The following SLC22A15 variants were observed in gnomAD, a reference collection of about 807,000 sequenced individuals.
SLC22A15 encodes solute carrier family 22 member 15.
In SLC22A15, 45 loss-of-function variants were observed where a neutral mutation model predicts 62.7. That is an observed-to-expected ratio of 0.72 (90% CI 0.56 to 0.92). The LOEUF is 0.92. SLC22A15 is among the 40% of genes least tolerant of loss of function. The pLI is 0.00. For missense variants in SLC22A15, 622 were observed against 665.6 expected (o/e 0.93, Z 0.72); for synonymous variants, 264 against 267.0 (o/e 0.99, Z 0.11).
chr1:115,996,851 A>C (rs1286455671), intron 2 of SLC22A15, among the ~76,000 whole-genome samples: 1 of 152,010 alleles, frequency 6.6e-6, no homozygotes, highest in Non-Finnish European at 1.5e-5. Context: ...CATTTCATCT[A>C]AGTTGTCGCT....
intron 1 of SLC22A15, among the ~76,000 whole-genome samples, chr1:115,977,615 C>T (rs1490454195): frequency 1.3e-5 from 2 of 152,176 alleles, no homozygotes; most frequent in African/African-American, 2.4e-5. Context: ...AGGTTTAATA[C>T]GGGCTAGGAT....
Position 116,055,788 on chromosome 1 carries a change from G to A in SLC22A15, c.1172-6974G>A, listed in dbSNP as rs1658188848. 2.1e-5 allele frequency among the ~76,000 whole-genome samples: 3 copies of A among 143,116 alleles called. No individual in the cohort carries two copies. In the South Asian group the frequency reaches 7.0e-4, roughly 33 times the overall value. 93.9% of individuals were successfully genotyped at this position (143,116 alleles called of 152,430 possible). ...ATAAATGTAATCCAGCATATAAACA[G>A]AACCAAAGACAAAAACCACATGATT... On this transcript the variant is annotated intron_variant, in intron 8 of 11. Transcript: ENST00000369503.
chr1:116,010,969 G>C (rs1019656375), intron 2 of SLC22A15, among the ~76,000 whole-genome samples: 1 of 152,224 alleles, frequency 6.6e-6, no homozygotes, highest in African/African-American at 2.4e-5. Context: ...TGGACAACCA[G>C]GGTGACCTGC....
Position 115,995,471 on chromosome 1 carries a change from G to T in SLC22A15, c.300+3228G>T, listed in dbSNP as rs538951293. 7.2e-5 allele frequency among the ~76,000 whole-genome samples: 11 copies of T among 152,176 alleles called. 1 individual carries two copies. The South Asian group carries it at 1.9e-3, about 26-fold the overall frequency. On this transcript the variant is annotated intron_variant, in intron 2 of 11. Transcript: ENST00000369503. ...TCACCATGTTGGCCAGGCTGGTCTC[G>T]AACTCCTGACCGCAGGTGATCTCCC...
chr1:116,064,578 A>G, intron 10 of SLC22A15, 70 bp downstream of exon 10: 1 of 1,032,778 alleles, frequency 9.7e-7, no homozygotes, highest in Non-Finnish European at 1.5e-6. Flanking sequence ...TTTTTAGTAG[A>G]AAGAGGTGAT....
chr1:116,064,274 A>G (rs1331850300), intron 9 of SLC22A15, among the ~76,000 whole-genome samples, 162 bp from the exon 10 acceptor site: 2 of 151,360 alleles, frequency 1.3e-5, no homozygotes, highest in Non-Finnish European at 2.9e-5. Flanking sequence ...GAACATTCCT[A>G]GCATCTCAGG....
chr1:116,060,355 G>T, intron 8 of SLC22A15, among the ~76,000 whole-genome samples: 1 of 152,156 alleles, frequency 6.6e-6, no homozygotes, highest in East Asian at 1.9e-4. Context: ...CGCATTCTGT[G>T]GACATGTAGC....
At chr1:115,983,424 A>T (rs986218040) in intron 1 of SLC22A15, among the ~76,000 whole-genome samples, 1 of 151,110 alleles carries the variant, frequency 6.6e-6, no homozygotes, top group Non-Finnish European at 1.5e-5. Flanking sequence ...TAGGATGGAG[A>T]TGTGTGTGTG....
intron 2 of SLC22A15, among the ~76,000 whole-genome samples, chr1:115,996,859 G>C (rs61788473): frequency 0.094 from 14,283 of 151,632 alleles, 909 homozygotes; most frequent in South Asian, 0.2. Flanking sequence ...CTAAGTTGTC[G>C]CTTATTAATT....
intron 2 of SLC22A15, among the ~76,000 whole-genome samples, chr1:116,009,992 AG>A (rs1656173533): frequency 6.6e-6 from 1 of 152,208 alleles, no homozygotes. Context: ...GCCTTGCAGA[AG>A]TTTCTTTAGA....
At chr1:116,066,314 C>T (rs1214623670) in intron 10 of SLC22A15, among the ~76,000 whole-genome samples, 1 of 152,202 alleles carries the variant, frequency 6.6e-6, no homozygotes, top group Non-Finnish European at 1.5e-5. Context: ...TATTTACTCA[C>T]TCCCATCTCT....
At chr1:116,062,960 C>T (rs563042387) in intron 9 of SLC22A15, 78 bp downstream of exon 9, 8 of 1,537,104 alleles carry the variant, frequency 5.2e-6, no homozygotes, top group Non-Finnish European at 7.1e-6. Flanking sequence ...AGGTGTGGTA[C>T]TCATTTCATC....
At position 116,027,014 on chromosome 1, in the gene SLC22A15, C is replaced by T. The variant is rs747237415; in HGVS notation, c.720C>T (p.Leu240=). ...LVNLQGTVVF[L]LSLFIPESPR... ...ACCTGCAGGGAACGGTGGTCTTTCT[C>T]TTATCTTTGTAAGTAGTTTTTCCTC... The change falls in exon 5 of 12, where the codon CTC becomes CTT. Residue 240 remains leucine (L), a synonymous_variant. Transcript: ENST00000369503. 47 of 1,612,824 alleles carry T rather than the reference C, an allele frequency of 2.9e-5. No individual in the cohort carries two copies. Among genetic ancestry groups the T allele is most frequent in the Non-Finnish European group, 3.7e-5 (44 of 1,179,566 alleles).
intron 8 of SLC22A15, among the ~76,000 whole-genome samples, chr1:116,058,646 T>A (rs1295523360): frequency 6.6e-6 from 1 of 152,120 alleles, no homozygotes; most frequent in African/African-American, 2.4e-5. Flanking sequence ...AAATCATTAT[T>A]CAAAAAAGAT....
At chr1:116,023,318 G>A (rs79498042) in intron 4 of SLC22A15, among the ~76,000 whole-genome samples, 3,656 of 152,108 alleles carry the variant, frequency 0.024, 149 homozygotes, top group African/African-American at 0.084. Flanking sequence ...AAATACTGAA[G>A]CTGTGAAAAA....
In SLC22A15 at chr1:116,044,814, A is replaced by G. The variant is rs79076028; in HGVS notation, c.1171+7426A>G. On this transcript the variant is annotated intron_variant, in intron 8 of 11. Transcript: ENST00000369503. ...AAAATTTAGGGATAAATTTTATGAA[A>G]TATGTATATGACTACAAAAAACTTT... 6.8e-3 allele frequency among the ~76,000 whole-genome samples: 1,033 copies of G among 152,304 alleles called. 10 individuals carry two copies. The highest frequency in any genetic ancestry group is 0.024 in the African/African-American group (983 of 41,568).
Position 116,032,563 on chromosome 1 carries a change from T to A in SLC22A15, c.944+982T>A, listed in dbSNP as rs907781622. ...GAAGCTGCAAAGATATTTTTCTATA[T>A]CATATACTCTTTTTCTACCCAAGCA... is the stretch of plus-strand genomic sequence containing the variant. On this transcript the variant is annotated intron_variant, in intron 6 of 11. Coordinates refer to ENST00000369503, the MANE Select transcript of SLC22A15 (RefSeq NM_018420.3). 9 of 985,414 alleles carry A rather than the reference T, an allele frequency of 9.1e-6. No homozygotes were observed. The African/African-American group carries it at 1.2e-4, about 13-fold the overall frequency. 61.0% of individuals were successfully genotyped at this position (985,414 alleles called of 1,614,324 possible).
chr1:115,993,428 A>AGAGAGTGT (rs1406043731), intron 2 of SLC22A15, among the ~76,000 whole-genome samples: 21 of 143,566 alleles, frequency 1.5e-4, no homozygotes, highest in African/African-American at 3.8e-4. Context: ...AGTGTGTGAG[A>AGAGAGTGT]GTGTGTGTGT....
chr1:116,051,153 A>T (rs1244927192), intron 8 of SLC22A15, among the ~76,000 whole-genome samples: 1 of 152,178 alleles, frequency 6.6e-6, no homozygotes, highest in East Asian at 1.9e-4. Context: ...ACAATCTACA[A>T]ATTCAATGCA....
Sources: gnomAD v4.1 joint callset for allele counts (sites outside exome capture counted in the v4.1 genomes callset) on GRCh38, gnomAD v4.1.1 for gene constraint, MANE v1.5 for transcripts, NCBI Gene and HGNC (gene_info 2026-07-23, HGNC 2026-07-21) for gene names.